The following RIMS2 variants were observed in gnomAD, a reference collection of about 807,000 sequenced individuals.
The protein encoded by RIMS2 is regulating synaptic membrane exocytosis protein 2.
A neutral mutation model predicts 174.4 loss-of-function variants in RIMS2; 59 were observed. That is an observed-to-expected ratio of 0.34 (90% confidence interval 0.27 to 0.42). RIMS2 has a LOEUF of 0.42. Among genes scored for constraint, RIMS2 ranks in the 10% least tolerant of loss-of-function variants. The probability of loss-of-function intolerance (pLI) is 1.00; values close to 1 mark genes in which losing one functional copy is unlikely to be tolerated. For missense variants in RIMS2, 1,620 were observed against 1,666.3 expected (o/e 0.97, Z 0.48); for synonymous variants, 606 against 572.5 (o/e 1.06, Z -0.84).
rs1365154082 is a variant in RIMS2, at chr8:103,787,226, A to G, written c.698+20689A>G. The stretch of plus-strand genomic sequence containing the variant: ...CTGATGGGTCTTGACTCTTTATCCA[A>G]TTTGCCAGTCTGTGTCTTTTAATTG... On this transcript the variant is annotated intron_variant, in intron 3 of 23. Coordinates refer to ENST00000504942, the Ensembl canonical transcript of RIMS2. Among the ~76,000 whole-genome samples the G allele has an allele frequency of 1.1e-4, 16 of 150,154 alleles. No individual in the cohort carries two copies. The East Asian group carries it at 2.5e-3, about 24-fold the overall frequency.
intron 17 of RIMS2, among the ~76,000 whole-genome samples, chr8:103,994,479 CTTTA>C (rs1358491934): frequency 6.6e-5 from 10 of 151,944 alleles, no homozygotes; most frequent in East Asian, 1.9e-4. Flanking sequence ...ATATAACTTA[CTTTA>C]TTTGTTTAGT....
At chr8:103,566,552 C>T (rs2092366705) in intron 1 of RIMS2, among the ~76,000 whole-genome samples, 1 of 152,180 alleles carries the variant, frequency 6.6e-6, no homozygotes, top group Non-Finnish European at 1.5e-5. Flanking sequence ...GATATATTTA[C>T]ATATATTCAT....
chr8:104,115,518 T>C (rs2132006341), intron 19 of RIMS2, among the ~76,000 whole-genome samples: 1 of 152,272 alleles, frequency 6.6e-6, no homozygotes, highest in South Asian at 2.1e-4. Context: ...TTTTTATTAA[T>C]CATGTTTTAC....
intron 15 of RIMS2, among the ~76,000 whole-genome samples, chr8:103,964,334 G>A (rs2091153826): frequency 6.6e-6 from 1 of 152,106 alleles, no homozygotes; most frequent in Non-Finnish European, 1.5e-5. Flanking sequence ...GCCAGCATTT[G>A]GTGTTGTCAG....
intron 19 of RIMS2, among the ~76,000 whole-genome samples, chr8:104,037,305 T>C (rs1385131979): frequency 2.0e-5 from 3 of 152,206 alleles, no homozygotes; most frequent in Non-Finnish European, 4.4e-5. Context: ...GCCCTCACAC[T>C]ATGATTAGCT....
intron 19 of RIMS2, among the ~76,000 whole-genome samples, chr8:104,130,246 A>T (rs186251952): frequency 7.6e-4 from 115 of 152,294 alleles, no homozygotes; most frequent in African/African-American, 2.5e-3. Flanking sequence ...GATATCCAAA[A>T]ATTCATTATG....
At chr8:103,996,613 A>G (rs541087614) in intron 17 of RIMS2, among the ~76,000 whole-genome samples, 1 of 152,074 alleles carries the variant, frequency 6.6e-6, no homozygotes, top group South Asian at 2.1e-4. Flanking sequence ...CATTAAATGC[A>G]TGAAGAACCA....
intron 2 of RIMS2, among the ~76,000 whole-genome samples, chr8:103,701,549 A>G (rs990644455): frequency 6.6e-6 from 1 of 151,934 alleles, no homozygotes; most frequent in Non-Finnish European, 1.5e-5. Context: ...ATATTTTTGT[A>G]CCCATTAACC....
At chr8:104,176,648 T>C (rs1474452418) in intron 19 of RIMS2, among the ~76,000 whole-genome samples, 1 of 151,506 alleles carries the variant, frequency 6.6e-6, no homozygotes, top group Non-Finnish European at 1.5e-5. Flanking sequence ...ATGATTCATA[T>C]AATTATATAT....
intron 1 of RIMS2, among the ~76,000 whole-genome samples, chr8:103,661,352 AT>A (rs1239406641): frequency 2.6e-5 from 4 of 151,922 alleles, no homozygotes; most frequent in African/African-American, 7.3e-5. Context: ...TGATGTCATT[AT>A]TTTTTTTCCT....
chr8:103,579,030 C>G (rs770399882), intron 1 of RIMS2, among the ~76,000 whole-genome samples: 1 of 151,720 alleles, frequency 6.6e-6, no homozygotes, highest in Non-Finnish European at 1.5e-5. Context: ...CAAAACTATC[C>G]AACAGACATG....
intron 11 of RIMS2, among the ~76,000 whole-genome samples, chr8:103,929,248 A>T (rs1302570016): frequency 6.6e-6 from 1 of 151,792 alleles, no homozygotes; most frequent in African/African-American, 2.4e-5. Flanking sequence ...TTAGTAACTG[A>T]TAATATTCAG....
intron 1 of RIMS2, among the ~76,000 whole-genome samples, chr8:103,686,064 T>A (rs1407685373): frequency 6.6e-6 from 1 of 152,150 alleles, no homozygotes; most frequent in Non-Finnish European, 1.5e-5. Context: ...TATACCTGAA[T>A]CTTTTTTCTT....
intron 19 of RIMS2, among the ~76,000 whole-genome samples, chr8:104,192,200 A>C (rs894658442): frequency 6.6e-6 from 1 of 152,194 alleles, no homozygotes; most frequent in African/African-American, 2.4e-5. Flanking sequence ...TCTGCATTGA[A>C]AGAATAGGGC....
At chr8:103,603,665 T>C (rs1188812704) in intron 1 of RIMS2, among the ~76,000 whole-genome samples, 1 of 146,362 alleles carries the variant, frequency 6.8e-6, no homozygotes, top group Non-Finnish European at 1.5e-5. Flanking sequence ...ACCTGTTGTT[T>C]CCTGACTTTT....
At chr8:104,209,163 T>C (rs1191401385) in intron 19 of RIMS2, among the ~76,000 whole-genome samples, 2 of 152,222 alleles carry the variant, frequency 1.3e-5, no homozygotes, top group Non-Finnish European at 2.9e-5. Context: ...CACATTTCCC[T>C]AGATTTCAAA....
At chr8:103,540,628 C>T (rs1258769182) in intron 1 of RIMS2, among the ~76,000 whole-genome samples, 5 of 152,128 alleles carry the variant, frequency 3.3e-5, no homozygotes, top group African/African-American at 1.2e-4. Context: ...TATAACACCA[C>T]CAAAAGAACA....
At chr8:104,233,116 A>T (rs1387605706) in intron 19 of RIMS2, among the ~76,000 whole-genome samples, 3 of 152,220 alleles carry the variant, frequency 2.0e-5, no homozygotes, top group African/African-American at 2.4e-5. Flanking sequence ...TCTAAGGTAA[A>T]GAAGATGGCA....
At chr8:103,819,515 T>C (rs2098738256) in intron 3 of RIMS2, 6 of 1,612,738 alleles carry the variant, frequency 3.7e-6, no homozygotes, top group Non-Finnish European at 5.1e-6. Context: ...AAAATGCAAT[T>C]TGAGACATTG....
Sources: allele counts gnomAD v4.1 joint callset (sites outside exome capture counted in the v4.1 genomes callset), GRCh38; gene constraint gnomAD v4.1.1; transcripts MANE v1.5; gene names NCBI Gene and HGNC (gene_info 2026-07-23, HGNC 2026-07-21).